The following RERE variants were observed in gnomAD, a reference collection of about 807,000 sequenced individuals.
The protein encoded by RERE is arginine-glutamic acid dipeptide repeats protein.
A neutral mutation model predicts 146.1 loss-of-function variants in RERE; 40 were observed. The observed-to-expected ratio is 0.27, with a 90% CI of 0.21 to 0.36. The LOEUF is 0.36. RERE is among the 10% of genes least tolerant of loss of function. RERE has a pLI of 1.00. For missense variants in RERE, 1,933 were observed against 2,138.7 expected (o/e 0.90, Z 1.90); for synonymous variants, 1,003 against 866.0 (o/e 1.16, Z -2.78).
chr1:8,557,512 G>A lies in RERE; in HGVS notation c.534C>T (p.Asp178=), dbSNP rs1434339796. ...AGRGPVGSKR[D]HLLMNVKWYY... is the part of the protein sequence containing the mutation. ...ACCATTTGACGTTCATGAGGAGATGGTCCCTCTTACTCTGAAAAGGAAAAT... is the reference window on the plus strand; with the variant it reads ...ACCATTTGACGTTCATGAGGAGATGATCCCTCTTACTCTGAAAAGGAAAAT... Residue 178 remains aspartate, a synonymous_variant, in exon 5 of 23, where the codon GAC becomes GAT. Transcript: ENST00000400908. The A allele has an allele frequency of 1.2e-6, 2 of 1,609,678 alleles. No homozygotes were observed. Among genetic ancestry groups the A allele is most frequent in the East Asian group, 4.5e-5 (2 of 44,858 alleles).
At chr1:8,697,388 C>A (rs902084885) in intron 1 of RERE, among the ~76,000 whole-genome samples, 6 of 133,144 alleles carry the variant, frequency 4.5e-5, no homozygotes, top group East Asian at 2.3e-4. Context: ...CACACCCCCC[C>A]CACACAACTT....
At chr1:8,744,683 A>AGTT (rs1640385714) in intron 1 of RERE, among the ~76,000 whole-genome samples, 2 of 152,242 alleles carry the variant, frequency 1.3e-5, no homozygotes, top group South Asian at 4.1e-4. Flanking sequence ...AAACACAGAA[A>AGTT]TAGAGGTGTT....
intron 22 of RERE, 118 bp from the exon 23 acceptor site, chr1:8,355,238 T>C (rs1337654994): frequency 2.5e-6 from 3 of 1,205,354 alleles, no homozygotes; most frequent in East Asian, 2.4e-5. Flanking sequence ...CGCAGCCTCC[T>C]GTGTAGCTGA....
intron 12 of RERE, among the ~76,000 whole-genome samples, chr1:8,386,012 ATATATATATATTTTTTTTTTTT>A (rs1159021749): frequency 3.6e-4 from 16 of 44,746 alleles, no homozygotes; most frequent in African/African-American, 1.4e-3. Flanking sequence ...ATATATATAT[ATATATATATATTTTTTTTTTTT>A]TTTTTTTTTT....
At chr1:8,615,234 A>AAGGC in intron 3 of RERE, among the ~76,000 whole-genome samples, 1 of 152,336 alleles carries the variant, frequency 6.6e-6, no homozygotes, top group East Asian at 1.9e-4. Context: ...TAAATAGACA[A>AAGGC]AGGCCCCAAA....
intron 1 of RERE, among the ~76,000 whole-genome samples, chr1:8,779,799 A>G (rs1003637493): frequency 2.6e-5 from 4 of 152,256 alleles, no homozygotes; most frequent in African/African-American, 9.6e-5. Flanking sequence ...GTGTTACAGC[A>G]GTAAAAAACA....
chr1:8,370,909 A>G (rs1642012170), intron 12 of RERE, among the ~76,000 whole-genome samples: 1 of 152,282 alleles, frequency 6.6e-6, no homozygotes, highest in Admixed American at 6.5e-5. Context: ...CTTGCAAATT[A>G]GCTCCTGATT....
chr1:8,415,793 C>T (rs1175245390), intron 12 of RERE, among the ~76,000 whole-genome samples: 1 of 152,240 alleles, frequency 6.6e-6, no homozygotes, highest in Admixed American at 6.5e-5. Flanking sequence ...GCCTCGGCTC[C>T]ATTTTAATGG....
chr1:8,622,486 T>TAAAAAA (rs1167355778), intron 3 of RERE, among the ~76,000 whole-genome samples: 1 of 43,016 alleles, frequency 2.3e-5, no homozygotes, highest in Non-Finnish European at 4.3e-5. Context: ...TGTATCTGTT[T>TAAAAAA]AAAAAAAAAA....
intron 2 of RERE, among the ~76,000 whole-genome samples, chr1:8,645,614 C>A (rs1253284142): frequency 6.6e-6 from 1 of 152,170 alleles, no homozygotes; most frequent in Admixed American, 6.5e-5. Flanking sequence ...TGAGATTCTG[C>A]ATTTCTAACC....
chr1:8,362,036 C>T (rs1641601617), intron 16 of RERE, among the ~76,000 whole-genome samples, 160 bp from the exon 17 acceptor site: 1 of 152,214 alleles, frequency 6.6e-6, no homozygotes, highest in Non-Finnish European at 1.5e-5. Flanking sequence ...CAAGAAGGAA[C>T]ACGTATCTGG....
At chr1:8,693,460 GT>G (rs1389793175) in intron 1 of RERE, among the ~76,000 whole-genome samples, 2 of 152,176 alleles carry the variant, frequency 1.3e-5, no homozygotes, top group African/African-American at 4.8e-5. Context: ...GAAACCTTAA[GT>G]ACATTTTGCT....
At chr1:8,401,051 A>C (rs1366580531) in intron 12 of RERE, among the ~76,000 whole-genome samples, 13 of 102,906 alleles carry the variant, frequency 1.3e-4, no homozygotes, top group Non-Finnish European at 2.1e-4. Flanking sequence ...ATATATATAT[A>C]TATATATATA....
In RERE at chr1:8,748,433, A is replaced by G. The variant is rs189643708; in HGVS notation, c.-145+68727T>C. Among the ~76,000 whole-genome samples the G allele has an allele frequency of 2.6e-5, 4 of 152,278 alleles. No homozygotes were observed. The East Asian group carries it at 7.7e-4, about 29-fold the overall frequency. ...AACTCAGTTACCACAATAGGCTCAC[A>G]GGTTACGTTGCTGTATCTTGCATAA... On this transcript the variant is annotated intron_variant, in intron 1 of 22. Coordinates refer to ENST00000400908, the MANE Select transcript of RERE (RefSeq NM_001042681.2).
intron 1 of RERE, among the ~76,000 whole-genome samples, chr1:8,775,904 T>C (rs1381404419): frequency 6.6e-6 from 1 of 152,220 alleles, no homozygotes; most frequent in African/African-American, 2.4e-5. Context: ...AACTTCCTCA[T>C]TAATATAAAG....
chr1:8,795,704 C>T (rs190675536), intron 1 of RERE, among the ~76,000 whole-genome samples: 5 of 152,210 alleles, frequency 3.3e-5, no homozygotes, highest in East Asian at 3.9e-4. Context: ...ATTACATGGC[C>T]GGGCACAGTG....
intron 1 of RERE, among the ~76,000 whole-genome samples, chr1:8,756,560 TA>T (rs909108182): frequency 6.6e-4 from 100 of 151,516 alleles, no homozygotes; most frequent in Admixed American, 4.3e-3. Context: ...TCAAGAGCCA[TA>T]AAAAAAAAGT....
chr1:8,701,408 AAC>A (rs773100073), intron 1 of RERE, among the ~76,000 whole-genome samples: 1 of 151,998 alleles, frequency 6.6e-6, no homozygotes, highest in Non-Finnish European at 1.5e-5. Context: ...ACGCTATAAA[AAC>A]ACACACACAA....
At chr1:8,492,279 TTC>T (rs1337551378) in intron 10 of RERE, among the ~76,000 whole-genome samples, 1 of 152,164 alleles carries the variant, frequency 6.6e-6, no homozygotes, top group Non-Finnish European at 1.5e-5. Context: ...CCAAAATGAT[TTC>T]TATACTGAAG....
Sources: gnomAD v4.1 joint callset for allele counts (sites outside exome capture counted in the v4.1 genomes callset) on GRCh38, gnomAD v4.1.1 for gene constraint, MANE v1.5 for transcripts, NCBI Gene and HGNC (gene_info 2026-07-23, HGNC 2026-07-21) for gene names.